The following PAX5 variants were observed in gnomAD, a reference collection of about 807,000 sequenced individuals.
PAX5 encodes the protein paired box 5.
In PAX5, 9 loss-of-function variants were observed where a neutral mutation model predicts 43.7. That is an observed-to-expected ratio of 0.21 (90% CI 0.12 to 0.36). The LOEUF is 0.36. Ranked by LOEUF, PAX5 falls within the 10% of genes least tolerant of loss-of-function variation. The pLI is 1.00. For missense variants in PAX5, 383 were observed against 532.7 expected (o/e 0.72, Z 2.77); for synonymous variants, 228 against 214.3 (o/e 1.06, Z -0.56).
intron 6 of PAX5, among the ~76,000 whole-genome samples, chr9:36,923,981 G>A (rs1006109107): frequency 1.3e-4 from 20 of 152,328 alleles, no homozygotes; most frequent in African/African-American, 4.3e-4. Context: ...TCATTTCACA[G>A]ATGAATAAAC....
chr9:36,864,095 C>T (rs904379572), intron 8 of PAX5, among the ~76,000 whole-genome samples: 4 of 152,296 alleles, frequency 2.6e-5, no homozygotes, highest in Middle Eastern at 3.4e-3. Context: ...GGCATCAGAG[C>T]GAGACTCTGT....
chr9:36,960,304 C>A (rs1206226340), intron 6 of PAX5, among the ~76,000 whole-genome samples: 1 of 152,218 alleles, frequency 6.6e-6, no homozygotes, highest in Non-Finnish European at 1.5e-5. Context: ...CTGGGATTCA[C>A]ACGTTCATGC....
At chr9:37,032,418 A>G (rs1218315011) in intron 1 of PAX5, among the ~76,000 whole-genome samples, 1 of 152,148 alleles carries the variant, frequency 6.6e-6, no homozygotes, top group Non-Finnish European at 1.5e-5. Flanking sequence ...TCTGCTGAGA[A>G]GCCCACTGCC....
chr9:36,923,506 T>C, intron 6 of PAX5, 22 bp from the exon 7 acceptor site: 1 of 1,598,506 alleles, frequency 6.3e-7, no homozygotes, highest in Non-Finnish European at 8.5e-7. Flanking sequence ...AACAGAGACG[T>C]CTCAGCACCA....
In PAX5 at chr9:37,015,419, G is replaced by A. The variant is rs976926675; in HGVS notation, c.213-225C>T. ...AAATTTTTAAAACTTAGTACCAAAA[G>A]AAGTAAAATATCTCAATAATTTTGA... On this transcript the variant is annotated intron_variant, in intron 2 of 9. Transcript: ENST00000358127. The surrounding 1 kb of genome is among the most constrained non-coding windows in gnomAD (Gnocchi z 4.4). Among the ~76,000 whole-genome samples, 6 of 152,012 alleles carry A rather than the reference G, an allele frequency of 3.9e-5. No individual in the cohort carries two copies. The highest frequency in any genetic ancestry group is 7.3e-5 in the African/African-American group (3 of 41,362).
chr9:36,973,068 A>AGGAACGGAACGGAACGGAACGGAAC lies in PAX5; in HGVS notation c.605-6345_605-6344insGTTCCGTTCCGTTCCGTTCCGTTCC, dbSNP rs1368567138. 2.5e-4 allele frequency among the ~76,000 whole-genome samples: 28 copies of AGGAACGGAACGGAACGGAACGGAAC among 110,312 alleles called. 1 individual carries two copies. The highest frequency in any genetic ancestry group is 8.4e-4 in the African/African-American group (23 of 27,390). 72.4% of individuals were successfully genotyped at this position (110,312 alleles called of 152,430 possible). A position where few individuals can be genotyped will look rare whatever the true frequency, so the allele number is the denominator to read the frequency against. ...AAAGAAAGAAAGAAAAGGAAAGGAA[A>AGGAACGGAACGGAACGGAACGGAAC]GGAACGGAACGGAACGGAAAGGAAA... is the stretch of plus-strand genomic sequence containing the variant. On this transcript the variant is annotated intron_variant, in intron 5 of 9. Transcript: ENST00000358127.
intron 5 of PAX5, among the ~76,000 whole-genome samples, chr9:36,988,080 G>T (rs182136122): frequency 4.6e-5 from 7 of 152,248 alleles, no homozygotes; most frequent in African/African-American, 1.7e-4. Context: ...AGGATCAGGA[G>T]CTGGAAGGGT....
At chr9:36,934,094 G>A (rs544062071) in intron 6 of PAX5, among the ~76,000 whole-genome samples, 2 of 152,254 alleles carry the variant, frequency 1.3e-5, no homozygotes, top group African/African-American at 4.8e-5. Context: ...ACCAGGGGAG[G>A]CAGCGTGGCT....
chr9:37,023,075 A>G (rs905271042), intron 1 of PAX5, among the ~76,000 whole-genome samples: 21 of 152,174 alleles, frequency 1.4e-4, no homozygotes, highest in African/African-American at 5.1e-4. Flanking sequence ...AGAAAAGAGG[A>G]AAAAAGAGGT....
intron 8 of PAX5, among the ~76,000 whole-genome samples, chr9:36,872,543 T>TC (rs1190655852): frequency 4.6e-5 from 7 of 152,244 alleles, no homozygotes; most frequent in African/African-American, 1.7e-4. Flanking sequence ...GCAGCTAGAA[T>TC]CAGAACCTAG....
intron 4 of PAX5, among the ~76,000 whole-genome samples, chr9:37,003,066 C>T (rs1342677936): frequency 6.8e-6 from 1 of 146,280 alleles, no homozygotes; most frequent in African/African-American, 2.5e-5. Context: ...GAAGGGCTTT[C>T]GCTTAAATTC....
At chr9:36,904,872 T>C (rs1210400465) in intron 7 of PAX5, among the ~76,000 whole-genome samples, 1 of 152,232 alleles carries the variant, frequency 6.6e-6, no homozygotes, top group Non-Finnish European at 1.5e-5. Flanking sequence ...GAGTACATAC[T>C]ATATTCCAAG....
At chr9:36,875,081 T>C (rs1197595015) in intron 8 of PAX5, among the ~76,000 whole-genome samples, 1 of 152,182 alleles carries the variant, frequency 6.6e-6, no homozygotes, top group Non-Finnish European at 1.5e-5. Context: ...CCAGGGAGTC[T>C]GGCTCAGGTC....
chr9:37,023,315 A>G (rs1291158277), intron 1 of PAX5, among the ~76,000 whole-genome samples: 1 of 152,176 alleles, frequency 6.6e-6, no homozygotes, highest in Non-Finnish European at 1.5e-5. Flanking sequence ...ACTTCTCTAG[A>G]CAGAGGACCT....
chr9:36,926,502 C>A (rs1295517290), intron 6 of PAX5, among the ~76,000 whole-genome samples: 1 of 152,232 alleles, frequency 6.6e-6, no homozygotes, highest in Non-Finnish European at 1.5e-5. Flanking sequence ...GCTGTCTAGA[C>A]TTCCTCTTCT....
chr9:36,930,173 C>T (rs954349750), intron 6 of PAX5, among the ~76,000 whole-genome samples: 2 of 150,600 alleles, frequency 1.3e-5, no homozygotes, highest in African/African-American at 4.9e-5. Context: ...GGTCATCTTT[C>T]CCAACATAGA....
chr9:36,966,124 G>A (rs753679269), intron 6 of PAX5, among the ~76,000 whole-genome samples: 5 of 152,202 alleles, frequency 3.3e-5, no homozygotes, highest in African/African-American at 7.2e-5. Context: ...ATACCCACCC[G>A]CTCCGTCATT....
At chr9:36,873,914 T>C (rs932226864) in intron 8 of PAX5, among the ~76,000 whole-genome samples, 1 of 152,226 alleles carries the variant, frequency 6.6e-6, no homozygotes, top group Non-Finnish European at 1.5e-5. Context: ...CTGTTTCACA[T>C]GCTTAACCAG....
At position 36,884,898 on chromosome 9, in the gene PAX5, G is replaced by A. The variant is rs918549179; in HGVS notation, c.911-2793C>T. Among the ~76,000 whole-genome samples the A allele has an allele frequency of 2.0e-5, 3 of 152,234 alleles. No homozygotes were observed. The East Asian group carries it at 5.8e-4, about 29-fold the overall frequency. The stretch of plus-strand genomic sequence containing the variant: ...CCTCTCCCAGCCCACCAGGATGGCA[G>A]TATGTGCTCAGAGGAGCTGGCACAT... On this transcript the variant is annotated intron_variant, in intron 7 of 9. Transcript: ENST00000358127.
Sources: allele counts gnomAD v4.1 joint callset (sites outside exome capture counted in the v4.1 genomes callset), GRCh38; gene constraint gnomAD v4.1.1; non-coding constraint Gnocchi (gnomAD v3.1); transcripts MANE v1.5; gene names NCBI Gene and HGNC (gene_info 2026-07-23, HGNC 2026-07-21).